The following TIAM1 variants were observed in gnomAD, a reference collection of about 807,000 sequenced individuals.
TIAM1 encodes rho guanine nucleotide exchange factor TIAM1.
Under a neutral mutation model 163.5 loss-of-function variants are expected in TIAM1, and 65 were observed. The observed-to-expected ratio is 0.40, with a 90% confidence interval of 0.33 to 0.49. The LOEUF (loss-of-function observed/expected upper bound fraction) is 0.49, where lower values mean the gene tolerates loss of function less well. TIAM1 is among the 20% of genes least tolerant of loss of function. The pLI, the probability that TIAM1 is intolerant of heterozygous loss-of-function variation, is 0.77. For missense variants in TIAM1, 1,789 were observed against 2,044.7 expected, an observed-to-expected ratio of 0.87 and a Z score of 2.41; for synonymous variants, 833 against 810.1, an observed-to-expected ratio of 1.03 and a Z score of -0.48.
chr21:31,123,095 G>A (rs1386062213), intron 27 of TIAM1, among the ~76,000 whole-genome samples: 3 of 152,220 alleles, frequency 2.0e-5, no homozygotes, highest in East Asian at 3.9e-4. Flanking sequence ...CATGACGGAC[G>A]ATGGTGTTAA....
chr21:31,178,161 T>G (rs1276213191), intron 15 of TIAM1, among the ~76,000 whole-genome samples: 2 of 152,176 alleles, frequency 1.3e-5, no homozygotes, highest in African/African-American at 4.8e-5. Context: ...TGCCTCCACT[T>G]TTATCTTCCA....
At chr21:31,496,143 A>G (rs2046633033) in intron 1 of TIAM1, among the ~76,000 whole-genome samples, 2 of 152,184 alleles carry the variant, frequency 1.3e-5, no homozygotes, top group East Asian at 3.8e-4. Flanking sequence ...AGTTAAAAAA[A>G]TAAAATAAAA....
intron 23 of TIAM1, among the ~76,000 whole-genome samples, chr21:31,133,393 C>T (rs1488368740): frequency 6.6e-6 from 1 of 152,184 alleles, no homozygotes; most frequent in Non-Finnish European, 1.5e-5. Flanking sequence ...CAGTGTGATG[C>T]CCATGAAGCT....
intron 1 of TIAM1, among the ~76,000 whole-genome samples, chr21:31,485,121 G>A (rs2147403811): frequency 6.6e-6 from 1 of 152,154 alleles, no homozygotes; most frequent in South Asian, 2.1e-4. Context: ...CATTCTTTCA[G>A]AGTAGCAAAA....
chr21:31,464,190 GA>G (rs1335419541), intron 1 of TIAM1, among the ~76,000 whole-genome samples: 1 of 152,122 alleles, frequency 6.6e-6, no homozygotes, highest in Non-Finnish European at 1.5e-5. Context: ...ACAGAGGAAA[GA>G]AACAAAGGCC....
intron 2 of TIAM1, among the ~76,000 whole-genome samples, chr21:31,438,145 G>A (rs936590445): frequency 5.4e-5 from 8 of 147,820 alleles, no homozygotes; most frequent in Non-Finnish European, 5.9e-5. Flanking sequence ...ATGTTACTAG[G>A]CCACACATAC....
intron 1 of TIAM1, among the ~76,000 whole-genome samples, chr21:31,535,329 C>T (rs2048095326): frequency 8.1e-6 from 1 of 123,420 alleles, no homozygotes; most frequent in Admixed American, 1.2e-4. Flanking sequence ...TGCAGTGAGC[C>T]AGGATTGTGC....
At chr21:31,200,456 C>T (rs898348759) in intron 12 of TIAM1, among the ~76,000 whole-genome samples, 4 of 152,174 alleles carry the variant, frequency 2.6e-5, no homozygotes, top group East Asian at 3.8e-4. Context: ...CCTGTGACTC[C>T]GTCACGAATG....
At chr21:31,184,076 A>C (rs2085164576) in intron 14 of TIAM1, among the ~76,000 whole-genome samples, 1 of 152,176 alleles carries the variant, frequency 6.6e-6, no homozygotes, top group Non-Finnish European at 1.5e-5. Flanking sequence ...GTGGGACTAC[A>C]GTCATGTGCT....
intron 2 of TIAM1, among the ~76,000 whole-genome samples, chr21:31,312,386 A>G (rs2074961833): frequency 6.6e-6 from 1 of 152,154 alleles, no homozygotes; most frequent in Admixed American, 6.5e-5. Context: ...CTTGGAAGGG[A>G]AACAATATAA....
intron 1 of TIAM1, among the ~76,000 whole-genome samples, chr21:31,481,046 C>T (rs2284528): frequency 0.59 from 89,809 of 152,014 alleles, 27,415 homozygotes; most frequent in African/African-American, 0.7. Context: ...TGAACCACTG[C>T]GCCCAGCCAA....
At position 31,515,403 on chromosome 21, in the gene TIAM1, A is replaced by C. The variant is rs112691529; in HGVS notation, c.-422+43524T>G. On this transcript the variant is annotated intron_variant, in intron 1 of 28. Transcript: ENST00000286827. ...CTGAAACAGAAGCTTGGGGTGAACC[A>C]GCAACCTGTGCTTTCACAAGCCCTC... Among the ~76,000 whole-genome samples the C allele has an allele frequency of 3.2e-4, 49 of 152,292 alleles. 1 individual carries two copies. The highest frequency in any genetic ancestry group is 1.2e-3 in the African/African-American group (48 of 41,566).
intron 15 of TIAM1, among the ~76,000 whole-genome samples, chr21:31,172,620 C>T (rs535570288): frequency 1.3e-5 from 2 of 152,246 alleles, no homozygotes; most frequent in Admixed American, 6.5e-5. Context: ...AGGAAGAGGG[C>T]TCGGTCTAGA....
rs2082121530 is a variant in TIAM1 at position 31,124,584 on chromosome 21, A to G, written c.4244T>C (p.Val1415Ala). The change falls in exon 27 of 28, where the codon GTC becomes GCC. Residue 1415 changes from valine (V) to alanine (A), a missense_variant. Transcript: ENST00000541036. ...ACACAATCTTTTGCCTCCAAAAGGGACATATTGCTGGGATGAGGGAAGGCT... is the reference window on the plus strand; with the variant it reads ...ACACAATCTTTTGCCTCCAAAAGGGGCATATTGCTGGGATGAGGGAAGGCT... The part of the protein sequence containing the change: ...TESLPSSQQY[V>A]PFGGKRLCAL... 1.2e-6 allele frequency: 2 copies of G among 1,613,872 alleles called. No homozygotes were observed. The highest frequency in any genetic ancestry group is 1.3e-5 in the African/African-American group (1 of 75,028).
chr21:31,331,266 T>C (rs2075670289), intron 2 of TIAM1, among the ~76,000 whole-genome samples: 1 of 152,202 alleles, frequency 6.6e-6, no homozygotes, highest in South Asian at 2.1e-4. Flanking sequence ...CCACCAATTA[T>C]GTCTCAAAAT....
At chr21:31,311,855 C>T (rs899925728) in intron 2 of TIAM1, among the ~76,000 whole-genome samples, 1 of 152,160 alleles carries the variant, frequency 6.6e-6, no homozygotes, top group African/African-American at 2.4e-5. Flanking sequence ...GAGGCAGACC[C>T]ACCCTCAATC....
At chr21:31,340,421 C>T (rs1261758200) in intron 1 of TIAM1, among the ~76,000 whole-genome samples, 1 of 152,100 alleles carries the variant, frequency 6.6e-6, no homozygotes, top group Non-Finnish European at 1.5e-5. Context: ...AACACTTCCC[C>T]CAAAAGTGCT....
chr21:31,490,696 TG>T (rs2046435923), intron 1 of TIAM1, among the ~76,000 whole-genome samples: 1 of 152,204 alleles, frequency 6.6e-6, no homozygotes. Context: ...GGAAGTAGAC[TG>T]GGGAGTTCCA....
intron 2 of TIAM1, among the ~76,000 whole-genome samples, chr21:31,377,795 C>T (rs975712211): frequency 6.7e-6 from 1 of 149,798 alleles, no homozygotes; most frequent in African/African-American, 2.5e-5. Context: ...AGTTCAGAAA[C>T]AGTCAGCAGC....
Sources: allele counts gnomAD v4.1 joint callset (sites outside exome capture counted in the v4.1 genomes callset), GRCh38; gene constraint gnomAD v4.1.1; transcripts MANE v1.5; gene names NCBI Gene and HGNC (gene_info 2026-07-23, HGNC 2026-07-21).